The following NBAS variants were observed in gnomAD, a reference collection of about 807,000 sequenced individuals.
NBAS encodes NAG/BC035112 fusion.
NBAS carries 219 observed loss-of-function variants against 302.5 expected under a neutral mutation model. That is an observed-to-expected ratio of 0.72 (90% CI 0.65 to 0.81). The LOEUF (loss-of-function observed/expected upper bound fraction) is 0.81. NBAS is among the 30% of genes least tolerant of loss of function. NBAS has a pLI of 0.00. For missense variants in NBAS, 2,932 were observed against 2,841.6 expected (o/e 1.03, Z -0.72); for synonymous variants, 1,118 against 1,021.6 (o/e 1.09, Z -1.80).
the NBAS span, among the ~76,000 whole-genome samples, chr2:14,928,075 A>G: frequency 2.0e-5 from 3 of 152,130 alleles, no homozygotes; most frequent in South Asian, 6.2e-4. Context: ...AAGATTTGTT[A>G]GCTTTGCTAC....
At chr2:15,163,585 A>G (rs1173063705), downstream of NBAS, among the ~76,000 whole-genome samples, 3 of 152,174 alleles carry the variant, frequency 2.0e-5, no homozygotes, top group Non-Finnish European at 4.4e-5. Flanking sequence ...GATGGACTTC[A>G]AAGTGAATCC....
At chr2:15,292,997 A>G (rs1469266706) in intron 40 of NBAS, among the ~76,000 whole-genome samples, 1 of 152,100 alleles carries the variant, frequency 6.6e-6, no homozygotes, top group Admixed American at 6.6e-5. Context: ...AGCTTTTTGA[A>G]CTCTTGCTCT....
chr2:15,162,490 C>T (rs1369096961), downstream of NBAS, among the ~76,000 whole-genome samples: 1 of 152,198 alleles, frequency 6.6e-6, no homozygotes, highest in Admixed American at 6.5e-5. Flanking sequence ...TAGTCTAACA[C>T]CAGCATCAAA....
chr2:15,024,938 C>A, the NBAS span, among the ~76,000 whole-genome samples: 2 of 152,110 alleles, frequency 1.3e-5, no homozygotes, highest in Non-Finnish European at 2.9e-5. Flanking sequence ...TTCATAGTTT[C>A]CTTTTCTGTG....
chr2:15,367,173 T>C (rs1257914978), intron 31 of NBAS, among the ~76,000 whole-genome samples: 1 of 152,184 alleles, frequency 6.6e-6, no homozygotes, highest in Non-Finnish European at 1.5e-5. Flanking sequence ...TTGCAATTTA[T>C]TAACCTTCCT....
In NBAS at chr2:15,402,224, A is replaced by G; in HGVS notation, c.3015T>C (p.Asn1005=). The G allele has an allele frequency of 6.2e-7, 1 of 1,613,664 alleles. No homozygotes were observed. The highest frequency in any genetic ancestry group is 8.5e-7 in the Non-Finnish European group (1 of 1,179,714). Residue 1005 remains asparagine (N), a synonymous_variant, in exon 26 of 52, where the codon AAT becomes AAC. Transcript: ENST00000281513. Reference sequence around the variant, plus strand: ...GGTCATAGCAAAGACAGAGTTGATCATTTCGTTCACAGGTATAGATGCACT... The same window carrying G: ...GGTCATAGCAAAGACAGAGTTGATCGTTTCGTTCACAGGTATAGATGCACT... ...ALECIYTCER[N]DQLCLCYDLL... is the part of the protein sequence containing the mutation.
At position 15,346,069 on chromosome 2, in the gene NBAS, G is replaced by A. The variant is rs573521119; in HGVS notation, c.4179+5923C>T. Among the ~76,000 whole-genome samples, 8 of 152,202 alleles carry A rather than the reference G, an allele frequency of 5.3e-5. No homozygotes were observed. In the South Asian group the frequency reaches 1.7e-3, roughly 32 times the overall value. On this transcript the variant is annotated intron_variant, in intron 35 of 51. Transcript: ENST00000281513. ...CATAAAAACCCTAGAAGAAAACCTA[G>A]GCAATACCATTCAGGACATCGGCAA...
the NBAS span, among the ~76,000 whole-genome samples, chr2:14,812,533 TG>T: frequency 1.3e-5 from 2 of 152,226 alleles, no homozygotes; most frequent in African/African-American, 4.8e-5. Context: ...GAGCCAGAAC[TG>T]TGTTGTTTTT....
chr2:15,284,132 C>T (rs1213479590), intron 42 of NBAS, among the ~76,000 whole-genome samples: 1 of 128,682 alleles, frequency 7.8e-6, no homozygotes, highest in Non-Finnish European at 1.7e-5. Flanking sequence ...GACATTAAAA[C>T]AACAACAACA....
the NBAS span, among the ~76,000 whole-genome samples, chr2:14,842,960 C>T: frequency 3.3e-5 from 5 of 151,692 alleles, no homozygotes; most frequent in Non-Finnish European, 1.5e-5. Context: ...TAAAAAAGAT[C>T]ATTCACAATA....
intron 7 of NBAS, among the ~76,000 whole-genome samples, chr2:15,537,775 G>A (rs1663590150): frequency 6.6e-6 from 1 of 152,150 alleles, no homozygotes; most frequent in Non-Finnish European, 1.5e-5. Flanking sequence ...CGTCTTTTCT[G>A]AGAAGCTCCC....
chr2:15,268,357 G>T (rs886262898), intron 44 of NBAS, among the ~76,000 whole-genome samples: 2 of 152,220 alleles, frequency 1.3e-5, no homozygotes, highest in Admixed American at 1.3e-4. Context: ...GGTTACGGAG[G>T]CTCTGAGAGT....
intron 13 of NBAS, among the ~76,000 whole-genome samples, chr2:15,476,723 A>G (rs2032692): frequency 0.51 from 76,941 of 151,670 alleles, 22,886 homozygotes; most frequent in Non-Finnish European, 0.67. Context: ...CAAAAAACAA[A>G]AAGAAAAAAA....
chr2:14,836,404 T>G, the NBAS span, among the ~76,000 whole-genome samples: 1 of 152,064 alleles, frequency 6.6e-6, no homozygotes, highest in Admixed American at 6.6e-5. Context: ...CCTTGATAAA[T>G]TTGAGTATTT....
At chr2:15,377,743 TAAAGCATATGAAAATGCTGC>T (rs1160117168) in intron 30 of NBAS, among the ~76,000 whole-genome samples, 2 of 152,178 alleles carry the variant, frequency 1.3e-5, no homozygotes, top group Admixed American at 1.3e-4. Flanking sequence ...CACAATGCTG[TAAAGCATATGAAAATGCTGC>T]AGATCTGTAT....
chr2:14,847,025 T>G, the NBAS span, among the ~76,000 whole-genome samples: 2 of 152,280 alleles, frequency 1.3e-5, no homozygotes, highest in South Asian at 4.1e-4. Flanking sequence ...ATAGACTGGC[T>G]GATTTGATGA....
chr2:15,526,207 G>A (rs1358104334), intron 9 of NBAS, among the ~76,000 whole-genome samples: 1 of 152,158 alleles, frequency 6.6e-6, no homozygotes, highest in African/African-American at 2.4e-5. Context: ...GATAGTCTGC[G>A]TGTTTAAGGA....
the NBAS span, among the ~76,000 whole-genome samples, chr2:15,131,326 T>A: frequency 6.6e-6 from 1 of 152,198 alleles, no homozygotes; most frequent in Non-Finnish European, 1.5e-5. Context: ...TATATTGCTT[T>A]TTTCCTTCTG....
chr2:14,837,292 C>T, the NBAS span, among the ~76,000 whole-genome samples: 44,615 of 151,654 alleles, frequency 0.29, 7,123 homozygotes, highest in East Asian at 0.4. Flanking sequence ...ATATGAATAC[C>T]GTGAACTCTG....
Sources: gnomAD v4.1 joint callset for allele counts (sites outside exome capture counted in the v4.1 genomes callset) on GRCh38, gnomAD v4.1.1 for gene constraint, MANE v1.5 for transcripts, NCBI Gene and HGNC (gene_info 2026-07-23, HGNC 2026-07-21) for gene names.